Variants in SNAP25 observed in about 807,000 individuals in gnomAD.
SNAP25 encodes the protein synaptosomal-associated protein 25.
SNAP25 carries 3 observed loss-of-function variants against 28.7 expected under a neutral mutation model. The ratio of observed to expected loss-of-function variants is 0.10; its 90% CI spans 0.05 to 0.27. The LOEUF (loss-of-function observed/expected upper bound fraction) is 0.27, where lower values mean the gene tolerates loss of function less well. SNAP25 is among the 10% of genes least tolerant of loss of function. The probability of loss-of-function intolerance (pLI) is 1.00; values close to 1 mark genes in which losing one functional copy is unlikely to be tolerated. For synonymous variants in SNAP25, 61 were observed against 88.1 expected (o/e 0.69, Z 1.72); for missense variants, 117 against 278.7 (o/e 0.42, Z 4.13).
intron 2 of SNAP25, 86 bp downstream of exon 2, chr20:10,275,649 C>T: frequency 9.4e-7 from 1 of 1,058,894 alleles, no homozygotes; most frequent in Non-Finnish European, 1.3e-6. Flanking sequence ...GAAAGCCTTT[C>T]TTTCAATGTC....
At chr20:10,222,097 C>A (rs1487940985) in intron 1 of SNAP25, among the ~76,000 whole-genome samples, 1 of 152,216 alleles carries the variant, frequency 6.6e-6, no homozygotes, top group Non-Finnish European at 1.5e-5. Flanking sequence ...TAGGAAGATA[C>A]TGATCAATCG....
intron 1 of SNAP25, among the ~76,000 whole-genome samples, chr20:10,220,565 A>G (rs906681564): frequency 6.6e-5 from 10 of 152,200 alleles, no homozygotes. Flanking sequence ...GGTGGTAATA[A>G]CTACTTTAAC....
At chr20:10,257,488 G>A (rs1455439719) in intron 1 of SNAP25, among the ~76,000 whole-genome samples, 4 of 152,056 alleles carry the variant, frequency 2.6e-5, no homozygotes, top group East Asian at 1.9e-4. Context: ...CGAGGCGGGC[G>A]GATCACCTGA....
intron 3 of SNAP25, among the ~76,000 whole-genome samples, chr20:10,283,324 G>A (rs540107674): frequency 6.6e-6 from 1 of 152,200 alleles, no homozygotes; most frequent in Non-Finnish European, 1.5e-5. Flanking sequence ...GCACAGAACA[G>A]TCAGGACACT....
intron 4 of SNAP25, among the ~76,000 whole-genome samples, chr20:10,290,865 A>T (rs756746226): frequency 7.2e-5 from 11 of 152,148 alleles, no homozygotes; most frequent in Non-Finnish European, 1.2e-4. Flanking sequence ...GGGATTTGGC[A>T]TCCCTATTGT....
intron 1 of SNAP25, among the ~76,000 whole-genome samples, chr20:10,267,290 A>G (rs1418529949): frequency 6.6e-6 from 1 of 152,190 alleles, no homozygotes; most frequent in Non-Finnish European, 1.5e-5. Flanking sequence ...CCAGAACAAG[A>G]AAAATGCCAA....
intron 1 of SNAP25, among the ~76,000 whole-genome samples, chr20:10,272,484 C>T (rs1231340855): frequency 3.9e-5 from 6 of 152,106 alleles, no homozygotes; most frequent in Admixed American, 6.5e-5. Context: ...GGTAGATCCC[C>T]GGTCACTTGG....
intron 1 of SNAP25, among the ~76,000 whole-genome samples, chr20:10,273,146 T>C (rs1600728261): frequency 8.4e-6 from 1 of 118,984 alleles, no homozygotes; most frequent in East Asian, 2.9e-4. Flanking sequence ...ATGTTCCTGA[T>C]TTTTTTTTTC....
At chr20:10,250,042 G>A (rs564967690) in intron 1 of SNAP25, among the ~76,000 whole-genome samples, 66 of 152,190 alleles carry the variant, frequency 4.3e-4, no homozygotes, top group Non-Finnish European at 4.4e-5. Flanking sequence ...TGCATATGCT[G>A]CTGCTGCCTG....
chr20:10,291,843 C>T (rs1222919533), intron 4 of SNAP25, among the ~76,000 whole-genome samples: 4 of 152,170 alleles, frequency 2.6e-5, no homozygotes, highest in African/African-American at 4.8e-5. Context: ...AATTAGCCAG[C>T]GAAGACATCC....
chr20:10,245,721 T>G (rs781775290), intron 1 of SNAP25, among the ~76,000 whole-genome samples: 12 of 152,028 alleles, frequency 7.9e-5, no homozygotes, highest in Non-Finnish European at 1.0e-4. Flanking sequence ...TACTGACAAT[T>G]CCCACACAAT....
chr20:10,242,492 G>T (rs2063052458), intron 1 of SNAP25, among the ~76,000 whole-genome samples: 1 of 152,174 alleles, frequency 6.6e-6, no homozygotes, highest in South Asian at 2.1e-4. Flanking sequence ...CCTGGCATCT[G>T]GGGAACAGGT....
At chr20:10,271,387 A>T (rs981442850) in intron 1 of SNAP25, among the ~76,000 whole-genome samples, 2 of 152,334 alleles carry the variant, frequency 1.3e-5, no homozygotes, top group Non-Finnish European at 2.9e-5. Context: ...AGCCGTTCTT[A>T]TTAGGAGAGG....
intron 1 of SNAP25, among the ~76,000 whole-genome samples, chr20:10,274,697 G>A (rs2063656962): frequency 6.6e-6 from 1 of 152,080 alleles, no homozygotes; most frequent in Non-Finnish European, 1.5e-5. Context: ...CAAAAAATTA[G>A]CCAGGTGTGG....
intron 4 of SNAP25, among the ~76,000 whole-genome samples, chr20:10,286,335 A>C (rs932981833): frequency 1.3e-5 from 2 of 152,128 alleles, no homozygotes; most frequent in South Asian, 4.1e-4. Context: ...TAGAAGCAAA[A>C]GAGATTTGTT....
Position 10,275,478 on chromosome 20 carries a change from T to G in SNAP25, c.-14T>G, listed in dbSNP as rs1304464507. 3.1e-6 allele frequency: 5 copies of G among 1,597,830 alleles called. No homozygotes were observed. In the East Asian group the frequency reaches 9.0e-5, roughly 29 times the overall value. On this transcript the variant is annotated 5_prime_UTR_variant, in exon 2 of 8. Coordinates refer to ENST00000254976, the MANE Select transcript of SNAP25 (RefSeq NM_130811.4). Reference sequence around the variant, plus strand: ...CCCCCCAGCCCAGGCGCCCAGCCACTCCCCACCGCTACCATGGCCGAAGAC... The same window carrying G: ...CCCCCCAGCCCAGGCGCCCAGCCACGCCCCACCGCTACCATGGCCGAAGAC...
At chr20:10,229,404 A>G (rs941889014) in intron 1 of SNAP25, among the ~76,000 whole-genome samples, 3 of 152,130 alleles carry the variant, frequency 2.0e-5, no homozygotes, top group African/African-American at 7.2e-5. Context: ...TACATGCATC[A>G]TCTCATTGTC....
At chr20:10,241,892 T>C (rs2063040825) in intron 1 of SNAP25, among the ~76,000 whole-genome samples, 2 of 152,122 alleles carry the variant, frequency 1.3e-5, no homozygotes, top group African/African-American at 4.8e-5. Context: ...AACACGGAGA[T>C]TGATACCATC....
At chr20:10,253,321 C>T (rs963407188) in intron 1 of SNAP25, among the ~76,000 whole-genome samples, 1 of 152,194 alleles carries the variant, frequency 6.6e-6, no homozygotes, top group African/African-American at 2.4e-5. Flanking sequence ...TCCAGAATCT[C>T]ATAAGCTCTT....
Sources: gnomAD v4.1 joint callset for allele counts (sites outside exome capture counted in the v4.1 genomes callset) on GRCh38, gnomAD v4.1.1 for gene constraint, MANE v1.5 for transcripts, NCBI Gene and HGNC (gene_info 2026-07-23, HGNC 2026-07-21) for gene names.